NALF1: variants seen among roughly 807,000 people sequenced by gnomAD.
NALF1 encodes family with sequence similarity 155 member A.
Under a neutral mutation model 48.4 loss-of-function variants are expected in NALF1, and 3 were observed. That is an observed-to-expected ratio of 0.06 (90% confidence interval 0.03 to 0.16). The LOEUF is 0.16. Among genes scored for constraint, NALF1 ranks in the 10% least tolerant of loss-of-function variants. The pLI is 1.00. For missense variants in NALF1, 526 were observed against 571.5 expected (o/e 0.92, Z 0.81); for synonymous variants, 262 against 245.7 (o/e 1.07, Z -0.62).
chr13:107,247,949 T>C (rs182590697), intron 1 of NALF1, among the ~76,000 whole-genome samples: 1 of 152,224 alleles, frequency 6.6e-6, no homozygotes, highest in East Asian at 1.9e-4. Flanking sequence ...TAGCGCATTA[T>C]GGTGGCTTAG....
rs552458051 is a variant in NALF1 at position 107,647,419 on chromosome 13, A to G, written c.915+218263T>C. The stretch of plus-strand genomic sequence containing the variant: ...TCATCATGTTGACACTTGCAGCTCC[A>G]GTTCATTCCTTTTAAATTCTTGCAT... On this transcript the variant is annotated intron_variant, in intron 1 of 2. Transcript: ENST00000375915. 1.1e-3 allele frequency among the ~76,000 whole-genome samples: 162 copies of G among 151,918 alleles called. 1 individual carries two copies. The highest frequency in any genetic ancestry group is 3.7e-3 in the African/African-American group (153 of 41,482).
At chr13:107,199,116 T>C (rs957883173) in intron 2 of NALF1, among the ~76,000 whole-genome samples, 1 of 151,398 alleles carries the variant, frequency 6.6e-6, no homozygotes, top group Non-Finnish European at 1.5e-5. Flanking sequence ...CAGATGTCAT[T>C]ATTGGGGTGC....
chr13:107,776,412 G>A (rs553297414), intron 1 of NALF1, among the ~76,000 whole-genome samples: 11 of 152,226 alleles, frequency 7.2e-5, no homozygotes, highest in African/African-American at 2.6e-4. Context: ...AGCTGTTTCT[G>A]GCATATGGGA....
chr13:107,709,794 A>G (rs962265409), intron 1 of NALF1, among the ~76,000 whole-genome samples: 7 of 152,350 alleles, frequency 4.6e-5, no homozygotes, highest in African/African-American at 1.7e-4. Context: ...ATTACAACGA[A>G]TAATTACAGT....
At chr13:107,603,690 C>T (rs1274839401) in intron 1 of NALF1, among the ~76,000 whole-genome samples, 1 of 152,042 alleles carries the variant, frequency 6.6e-6, no homozygotes, top group Non-Finnish European at 1.5e-5. Context: ...AACTAAAATC[C>T]TTGGACTATC....
Position 107,170,516 on chromosome 13 carries a change from T to A in NALF1, c.1358A>T (p.Asn453Ile). The A allele has an allele frequency of 1.9e-6, 3 of 1,601,932 alleles. No individual in the cohort carries two copies. Among genetic ancestry groups the A allele is most frequent in the Non-Finnish European group, 2.6e-6 (3 of 1,171,674 alleles). Residue 453 changes from asparagine (N) to isoleucine (I), a missense_variant, in exon 3 of 3, where the codon AAC (asparagine) becomes ATC (isoleucine). Coordinates refer to ENST00000375915, the MANE Select transcript of NALF1 (RefSeq NM_001080396.3). ...SFGGINTLEE[N>I]STNEE is the part of the protein sequence containing the mutation. ...CTTCCGTTACTCCTCATTGGTTGAG[T>A]TTTCTTCCAGCGTGTTGATGCCTCC...
At chr13:107,329,100 A>G (rs542900469) in intron 1 of NALF1, among the ~76,000 whole-genome samples, 3 of 152,316 alleles carry the variant, frequency 2.0e-5, no homozygotes, top group African/African-American at 7.2e-5. Flanking sequence ...GAGCATCTCA[A>G]TGGGATCAAG....
intron 1 of NALF1, among the ~76,000 whole-genome samples, chr13:107,848,967 T>C (rs1350858341): frequency 1.3e-5 from 2 of 152,190 alleles, no homozygotes; most frequent in African/African-American, 4.8e-5. Context: ...TAATGGAGAA[T>C]CATTCATCAA....
intron 1 of NALF1, among the ~76,000 whole-genome samples, chr13:107,474,577 T>A (rs935791216): frequency 6.6e-6 from 1 of 152,180 alleles, no homozygotes; most frequent in African/African-American, 2.4e-5. Flanking sequence ...AAAATACACA[T>A]ACATACATAC....
chr13:107,271,787 T>C (rs1566470638), intron 1 of NALF1, among the ~76,000 whole-genome samples: 4 of 67,372 alleles, frequency 5.9e-5, no homozygotes, highest in Non-Finnish European at 1.6e-4. Context: ...TATATATATA[T>C]ATATATATAT....
chr13:107,292,486 T>C (rs1881641702), intron 1 of NALF1, among the ~76,000 whole-genome samples: 1 of 152,234 alleles, frequency 6.6e-6, no homozygotes. Flanking sequence ...CTATATTCCA[T>C]TTTTAATTTT....
chr13:107,862,780 T>A (rs1354686261), intron 1 of NALF1, among the ~76,000 whole-genome samples: 2 of 152,026 alleles, frequency 1.3e-5, no homozygotes, highest in East Asian at 1.9e-4. Context: ...TTTTAAACAA[T>A]TTAAATCAAA....
chr13:107,535,085 T>C (rs1424616556), intron 1 of NALF1, among the ~76,000 whole-genome samples: 2 of 152,126 alleles, frequency 1.3e-5, no homozygotes, highest in Admixed American at 6.5e-5. Context: ...AGATTTTGGG[T>C]CAAGATGATG....
intron 1 of NALF1, among the ~76,000 whole-genome samples, chr13:107,781,428 G>T (rs949513634): frequency 6.6e-6 from 1 of 151,664 alleles, no homozygotes; most frequent in Admixed American, 6.6e-5. Context: ...TCTACATTTT[G>T]GATCTATACA....
rs9555400 is a variant in NALF1, at chr13:107,670,254, C to T, written c.915+195428G>A. On this transcript the variant is annotated intron_variant, in intron 1 of 2. Coordinates refer to ENST00000375915, the MANE Select transcript of NALF1 (RefSeq NM_001080396.3). Reference sequence around the variant, plus strand: ...TTATTGACGAGTAAAATAGTCCTACCGGTAAAACTGTTCTTTTATATACAC... The same window carrying T: ...TTATTGACGAGTAAAATAGTCCTACTGGTAAAACTGTTCTTTTATATACAC... Among the ~76,000 whole-genome samples the T allele has an allele frequency of 0.018, 2,675 of 152,006 alleles. 148 individuals carry two copies. The East Asian group carries it at 0.2, about 11-fold the overall frequency.
Position 107,346,337 on chromosome 13 carries a change from A to G in NALF1, c.916-135582T>C, listed in dbSNP as rs145764912. Among the ~76,000 whole-genome samples the G allele has an allele frequency of 2.5e-3, 388 of 152,332 alleles. 5 individuals carry two copies. Among genetic ancestry groups the G allele is most frequent in the African/African-American group, 8.7e-3 (360 of 41,568 alleles). ...AGATATGTGCATACCCATGTTCACT[A>G]CAGCATTATACGCAATATCCAAGAG... On this transcript the variant is annotated intron_variant, in intron 1 of 2. Coordinates refer to ENST00000375915, the MANE Select transcript of NALF1 (RefSeq NM_001080396.3).
chr13:107,785,122 ATATT>A (rs2138582138), intron 1 of NALF1, among the ~76,000 whole-genome samples: 1 of 151,948 alleles, frequency 6.6e-6, no homozygotes, highest in African/African-American at 2.4e-5. Context: ...ATGTATATAT[ATATT>A]CATATATATG....
intron 1 of NALF1, among the ~76,000 whole-genome samples, chr13:107,490,096 G>A (rs1329165630): frequency 6.6e-6 from 1 of 152,142 alleles, no homozygotes; most frequent in Non-Finnish European, 1.5e-5. Context: ...GCAAGGTTGT[G>A]GAGAAAAAGG....
At chr13:107,543,911 T>C (rs1332098590) in intron 1 of NALF1, among the ~76,000 whole-genome samples, 1 of 152,052 alleles carries the variant, frequency 6.6e-6, no homozygotes, top group African/African-American at 2.4e-5. Context: ...GGTGGAAATA[T>C]AGTGGCAATT....
Sources: gnomAD v4.1 joint callset for allele counts (sites outside exome capture counted in the v4.1 genomes callset) on GRCh38, gnomAD v4.1.1 for gene constraint, MANE v1.5 for transcripts, NCBI Gene and HGNC (gene_info 2026-07-23, HGNC 2026-07-21) for gene names.